The following NSG2 variants were observed in gnomAD, a reference collection of about 807,000 sequenced individuals.
NSG2 encodes neuronal vesicle trafficking associated 2.
NSG2 carries 4 observed loss-of-function variants against 16.9 expected under a neutral mutation model. The observed-to-expected ratio is 0.24, with a 90% CI of 0.12 to 0.54. The LOEUF is 0.54. Among genes scored for constraint, NSG2 ranks in the 20% least tolerant of loss-of-function variants. The pLI is 0.95. For missense variants in NSG2, 179 were observed against 221.1 expected (o/e 0.81, Z 1.21); for synonymous variants, 98 against 88.7 (o/e 1.11, Z -0.59).
At chr5:174,075,452 A>C (rs1342233224) in intron 3 of NSG2, among the ~76,000 whole-genome samples, 1 of 152,240 alleles carries the variant, frequency 6.6e-6, no homozygotes, top group African/African-American at 2.4e-5. Context: ...GGTTGCAAGA[A>C]TACTAAAACT....
intron 3 of NSG2, among the ~76,000 whole-genome samples, chr5:174,102,749 GTTTT>G (rs34781452): frequency 0.25 from 37,274 of 147,832 alleles, 6,126 homozygotes; most frequent in African/African-American, 0.48. Flanking sequence ...GCCATGCTTT[GTTTT>G]TTTTATTTAT....
chr5:174,074,650 G>A (rs1760305646), intron 3 of NSG2, among the ~76,000 whole-genome samples: 1 of 151,990 alleles, frequency 6.6e-6, no homozygotes, highest in Non-Finnish European at 1.5e-5. Context: ...GGCACTGCAG[G>A]CTCTTCCAAA....
At chr5:174,061,692 C>T (rs1409638011) in intron 2 of NSG2, among the ~76,000 whole-genome samples, 1 of 152,148 alleles carries the variant, frequency 6.6e-6, no homozygotes, top group East Asian at 1.9e-4. Flanking sequence ...CAACCTCTAC[C>T]TCCCGGGTTC....
At chr5:174,097,128 G>A (rs1760809688) in intron 3 of NSG2, among the ~76,000 whole-genome samples, 1 of 152,118 alleles carries the variant, frequency 6.6e-6, no homozygotes, top group South Asian at 2.1e-4. Context: ...TGGAGGGAGG[G>A]TGGTGGGGCA....
At chr5:174,102,737 G>A (rs1760916025) in intron 3 of NSG2, among the ~76,000 whole-genome samples, 1 of 151,048 alleles carries the variant, frequency 6.6e-6, no homozygotes, top group African/African-American at 2.4e-5. Context: ...GAGCAGAAAA[G>A]GGCCATGCTT....
Position 174,049,340 on chromosome 5 carries a change from A to AAAAC in NSG2, c.129+2480_129+2483dup, listed in dbSNP as rs138598037. On this transcript the variant is annotated intron_variant, in intron 2 of 4. Coordinates refer to ENST00000303177, the MANE Select transcript of NSG2 (RefSeq NM_015980.5). The stretch of plus-strand genomic sequence containing the variant: ...GGGCGACAGAGCGAGACACTGTCTC[A>AAAAC]AAACAAACAAACAAACAAACAAACA... Among the ~76,000 whole-genome samples, 270 of 152,102 alleles carry AAAAC rather than the reference A, an allele frequency of 1.8e-3. 1 individual carries two copies. Among genetic ancestry groups the AAAAC allele is most frequent in the African/African-American group, 5.7e-3 (235 of 41,536 alleles).
chr5:174,098,409 G>C (rs984140725), intron 3 of NSG2, among the ~76,000 whole-genome samples: 3 of 151,032 alleles, frequency 2.0e-5, no homozygotes, highest in Non-Finnish European at 4.4e-5. Flanking sequence ...GCTGGACCCT[G>C]CTTTCCTTCC....
At chr5:174,102,641 GTGT>G (rs1760913892) in intron 3 of NSG2, among the ~76,000 whole-genome samples, 1 of 151,950 alleles carries the variant, frequency 6.6e-6, no homozygotes, top group African/African-American at 2.4e-5. Flanking sequence ...ACTTTGTTTG[GTGT>G]TGTATTATTT....
chr5:174,083,134 C>T (rs968667228), intron 3 of NSG2, among the ~76,000 whole-genome samples: 2 of 152,182 alleles, frequency 1.3e-5, no homozygotes, highest in African/African-American at 2.4e-5. Context: ...CCCAGGAGCC[C>T]CACTCCCCAG....
chr5:174,049,453 A>G (rs1345882809), intron 2 of NSG2, among the ~76,000 whole-genome samples: 3 of 152,230 alleles, frequency 2.0e-5, no homozygotes, highest in African/African-American at 7.2e-5. Flanking sequence ...GTGCACACAC[A>G]CACACACACA....
intron 2 of NSG2, among the ~76,000 whole-genome samples, chr5:174,047,179 G>A (rs1303294688): frequency 6.6e-6 from 1 of 152,162 alleles, no homozygotes; most frequent in Non-Finnish European, 1.5e-5. Context: ...TCTAGGTGGT[G>A]ACAGAAAATT....
intron 3 of NSG2, among the ~76,000 whole-genome samples, chr5:174,067,280 G>A (rs1760158284): frequency 6.6e-6 from 1 of 152,204 alleles, no homozygotes; most frequent in Non-Finnish European, 1.5e-5. Context: ...AATCCCCTAT[G>A]GCTCCGAGAG....
intron 2 of NSG2, among the ~76,000 whole-genome samples, chr5:174,050,967 T>C (rs937147153): frequency 1.3e-5 from 2 of 152,060 alleles, no homozygotes; most frequent in African/African-American, 4.8e-5. Flanking sequence ...CAACATCCCA[T>C]CCCTGAATCT....
intron 3 of NSG2, among the ~76,000 whole-genome samples, chr5:174,100,193 T>C (rs1473785122): frequency 6.6e-6 from 1 of 152,160 alleles, no homozygotes; most frequent in East Asian, 1.9e-4. Context: ...TAGCAACCAG[T>C]CAGCATTAGA....
At position 174,064,209 on chromosome 5, in the gene NSG2, A is replaced by G. The variant is rs1224332807; in HGVS notation, c.130-23A>G. The G allele has an allele frequency of 1.9e-6, 3 of 1,566,656 alleles. 1 individual carries two copies. Among genetic ancestry groups the G allele is most frequent in the Non-Finnish European group, 1.7e-6 (2 of 1,144,900 alleles). The stretch of plus-strand genomic sequence containing the variant: ...AATGTTTCAAGTCTCCATGCATGCT[A>G]ACACACTGGTTGACTCTTTCAGGTG... On this transcript the variant is annotated intron_variant, in intron 2 of 4. Coordinates refer to ENST00000303177, the MANE Select transcript of NSG2 (RefSeq NM_015980.5).
At chr5:174,093,226 G>A (rs192498030) in intron 3 of NSG2, among the ~76,000 whole-genome samples, 2 of 152,282 alleles carry the variant, frequency 1.3e-5, no homozygotes, top group East Asian at 3.9e-4. Context: ...GGGCCATGAA[G>A]TATTGAAATG....
chr5:174,095,178 A>G (rs1173918653), intron 3 of NSG2, among the ~76,000 whole-genome samples: 1 of 152,190 alleles, frequency 6.6e-6, no homozygotes, highest in African/African-American at 2.4e-5. Context: ...GTGCATGCTG[A>G]GGAGCATGGC....
rs185008001 is a variant in NSG2, at chr5:174,084,518, G to T, written c.214-19710G>T. ...AACTGGCTTTCTCAGCTGGCCTGAT[G>T]CGAGTTCCTTCCACGGAGCCTGTAG... On this transcript the variant is annotated intron_variant, in intron 3 of 4. Coordinates refer to ENST00000303177, the MANE Select transcript of NSG2 (RefSeq NM_015980.5). Among the ~76,000 whole-genome samples the T allele has an allele frequency of 1.9e-3, 286 of 152,300 alleles. 1 individual carries two copies. The highest frequency in any genetic ancestry group is 6.8e-3 in the Middle Eastern group (2 of 294).
chr5:174,069,914 G>A (rs896099822), intron 3 of NSG2, among the ~76,000 whole-genome samples: 4 of 114,424 alleles, frequency 3.5e-5, no homozygotes, highest in Non-Finnish European at 6.9e-5. Context: ...GTCTTACTTT[G>A]TCACCAAGAC....
Sources: gnomAD v4.1 joint callset for allele counts (sites outside exome capture counted in the v4.1 genomes callset) on GRCh38, gnomAD v4.1.1 for gene constraint, MANE v1.5 for transcripts, NCBI Gene and HGNC (gene_info 2026-07-23, HGNC 2026-07-21) for gene names.